The following MAP2K1 variants were observed in gnomAD, a reference collection of about 807,000 sequenced individuals.
The protein encoded by MAP2K1 is mitogen-activated protein kinase kinase 1.
Under a neutral mutation model 46.3 loss-of-function variants are expected in MAP2K1, and 16 were observed. That is an observed-to-expected ratio of 0.35 (90% CI 0.23 to 0.52). The LOEUF (loss-of-function observed/expected upper bound fraction) is 0.52, where lower values mean the gene tolerates loss of function less well. Ranked by LOEUF, MAP2K1 falls within the 20% of genes least tolerant of loss-of-function variation. MAP2K1 has a pLI of 0.94. For synonymous variants in MAP2K1, 183 were observed against 185.6 expected (o/e 0.99, Z 0.11); for missense variants, 263 against 497.1 (o/e 0.53, Z 4.48).
intron 5 of MAP2K1, chr15:66,446,729 G>A (rs544596141): frequency 1.2e-4 from 42 of 341,004 alleles, no homozygotes; most frequent in African/African-American, 6.9e-4. Context: ...CATTGGTTCC[G>A]GATACCCTGC....
rs114302916 is a variant in MAP2K1 at position 66,462,896 on chromosome 15, G to A, written c.568+18189G>A. On this transcript the variant is annotated intron_variant, in intron 5 of 10. Coordinates refer to ENST00000307102, the MANE Select transcript of MAP2K1 (RefSeq NM_002755.4). ...TGTAGTCAGTGCTCGGGAAGGGATGGGACAAGACAGGGACCAGAAAGCCAC... is the reference window on the plus strand; with the variant it reads ...TGTAGTCAGTGCTCGGGAAGGGATGAGACAAGACAGGGACCAGAAAGCCAC... Among the ~76,000 whole-genome samples the A allele has an allele frequency of 6.1e-3, 924 of 152,296 alleles. 13 individuals are homozygous for A. Among genetic ancestry groups the A allele is most frequent in the African/African-American group, 0.021 (853 of 41,540 alleles).
chr15:66,453,023 G>A (rs1892077240), intron 5 of MAP2K1, among the ~76,000 whole-genome samples: 1 of 152,188 alleles, frequency 6.6e-6, no homozygotes, highest in Admixed American at 6.5e-5. Flanking sequence ...ACTTGTGCCA[G>A]AACACACAGG....
chr15:66,446,701 G>T, intron 5 of MAP2K1: 2 of 378,446 alleles, frequency 5.3e-6, no homozygotes, highest in Admixed American at 2.5e-5. Context: ...TTCAATTTTA[G>T]GAAGAACTGC....
intron 5 of MAP2K1, among the ~76,000 whole-genome samples, chr15:66,459,987 A>G (rs1196112644): frequency 6.6e-6 from 1 of 152,214 alleles, no homozygotes; most frequent in Non-Finnish European, 1.5e-5. Flanking sequence ...TGTTCTGAGC[A>G]TGGTTCCTAT....
In MAP2K1 at chr15:66,402,709, T is replaced by C. The variant is rs1383020222; in HGVS notation, c.80+15282T>C. On this transcript the variant is annotated intron_variant, in intron 1 of 10. Transcript: ENST00000307102. ...TCCATCTCGACTATGGTTTGTTTTG[T>C]ATGAACTGGTTATATCCAGCAGCTT... Among the ~76,000 whole-genome samples, 3 of 152,234 alleles carry C rather than the reference T, an allele frequency of 2.0e-5. No homozygotes were observed. The East Asian group carries it at 5.8e-4, about 29-fold the overall frequency.
At chr15:66,484,443 C>G (rs1474253384) in intron 6 of MAP2K1, among the ~76,000 whole-genome samples, 1 of 152,152 alleles carries the variant, frequency 6.6e-6, no homozygotes, top group African/African-American at 2.4e-5. Flanking sequence ...CCACTGCGTC[C>G]CGGCCCAGCA....
chr15:66,424,791 C>CTTTTTTTTTT (rs58738231), intron 1 of MAP2K1, among the ~76,000 whole-genome samples: 1 of 82,158 alleles, frequency 1.2e-5, no homozygotes, highest in African/African-American at 4.7e-5. Flanking sequence ...CAATCTCAAT[C>CTTTTTTTTTT]TTTTTTTTTT....
At chr15:66,411,022 T>C (rs953736269) in intron 1 of MAP2K1, among the ~76,000 whole-genome samples, 1 of 152,168 alleles carries the variant, frequency 6.6e-6, no homozygotes, top group Non-Finnish European at 1.5e-5. Flanking sequence ...AGAAGCTTTG[T>C]TCAGTTGAGT....
At chr15:66,467,166 G>A (rs371782550) in intron 5 of MAP2K1, among the ~76,000 whole-genome samples, 8 of 152,052 alleles carry the variant, frequency 5.3e-5, no homozygotes, top group Admixed American at 2.6e-4. Context: ...CCCAGGAGGC[G>A]GAGGCTGCAG....
chr15:66,387,267 C>G lies in MAP2K1; in HGVS notation c.-81C>G, dbSNP rs909365334. ...GCGGCCCGGACTTGGTCCTGCGCAG[C>G]GGGCGCGGGGCAGCGCAGCGGGAGG... On this transcript the variant is annotated 5_prime_UTR_variant, in exon 1 of 11. Transcript: ENST00000307102. The G allele has an allele frequency of 7.8e-7, 1 of 1,275,778 alleles. No homozygotes were observed. Among genetic ancestry groups the G allele is most frequent in the East Asian group, 2.5e-5 (1 of 39,236 alleles). 79.0% of individuals were successfully genotyped at this position (1,275,778 alleles called of 1,614,324 possible).
In MAP2K1 at chr15:66,420,783, A is replaced by G. The variant is rs778561590; in HGVS notation, c.81-14244A>G. Among the ~76,000 whole-genome samples, 53 of 54,612 alleles carry G rather than the reference A, an allele frequency of 9.7e-4. 4 individuals are homozygous for G. The East Asian group carries it at 0.038, about 39-fold the overall frequency. The allele number at this position is 54,612 out of a possible 152,430, so 35.8% of individuals were successfully genotyped here. On this transcript the variant is annotated intron_variant, in intron 1 of 10. Transcript: ENST00000307102. ...TGTATGTGTGTATATATATGTGTATATATATGTGTGTATATATATGTGTAT... is the reference window on the plus strand; with the variant it reads ...TGTATGTGTGTATATATATGTGTATGTATATGTGTGTATATATATGTGTAT...
chr15:66,453,487 A>G lies in MAP2K1; in HGVS notation c.568+8780A>G, dbSNP rs1181284243. The G allele has an allele frequency of 4.3e-6, 3 of 702,168 alleles. No individual in the cohort carries two copies. The East Asian group carries it at 8.0e-5, about 19-fold the overall frequency. 43.5% of individuals were successfully genotyped at this position (702,168 alleles called of 1,614,324 possible). ...CAGAAGCCCTGGAAGAATGAACTGT[A>G]AGGCCTGGACTATGGAATGGTACCT... On this transcript the variant is annotated intron_variant, in intron 5 of 10. Coordinates refer to ENST00000307102, the MANE Select transcript of MAP2K1 (RefSeq NM_002755.4).
chr15:66,442,480 T>G (rs980063916), intron 3 of MAP2K1, among the ~76,000 whole-genome samples: 2 of 152,178 alleles, frequency 1.3e-5, no homozygotes, highest in East Asian at 3.8e-4. Flanking sequence ...AAATGCCATC[T>G]TTTAAGTGAA....
chr15:66,478,422 G>GTA lies in MAP2K1; in HGVS notation c.569-3322_569-3321dup, dbSNP rs201872215. Among the ~76,000 whole-genome samples the GTA allele has an allele frequency of 1.1e-3, 136 of 119,232 alleles. 1 individual carries two copies. The highest frequency in any genetic ancestry group is 2.1e-3 in the Non-Finnish European group (110 of 53,346). The allele number at this position is 119,232 out of a possible 152,430, so 78.2% of individuals were successfully genotyped here. ...TGTGTATATATATATATACACACAG[G>GTA]TATATATATATACACACAGGTATAT... On this transcript the variant is annotated intron_variant, in intron 5 of 10. Transcript: ENST00000307102.
chr15:66,420,841 G>GTGTATATATATATGTGTATATATATA (rs1567003198), intron 1 of MAP2K1, among the ~76,000 whole-genome samples: 4 of 62,100 alleles, frequency 6.4e-5, no homozygotes, highest in African/African-American at 1.7e-4. Flanking sequence ...GTATATATAT[G>GTGTATATATATATGTGTATATATATA]TGTGTATATA....
chr15:66,433,982 T>C (rs1216566070), intron 1 of MAP2K1, among the ~76,000 whole-genome samples: 1 of 152,338 alleles, frequency 6.6e-6, no homozygotes, highest in East Asian at 1.9e-4. Context: ...CTCTCTGCCA[T>C]ACCCACTCGC....
intron 1 of MAP2K1, among the ~76,000 whole-genome samples, chr15:66,420,959 A>G (rs2093440408): frequency 5.2e-5 from 1 of 19,162 alleles, no homozygotes; most frequent in African/African-American, 6.7e-5. Context: ...ATACACATAC[A>G]TATATACACA....
At chr15:66,391,369 A>G (rs1297546885) in intron 1 of MAP2K1, among the ~76,000 whole-genome samples, 1 of 152,188 alleles carries the variant, frequency 6.6e-6, no homozygotes, top group Non-Finnish European at 1.5e-5. Flanking sequence ...GCTCACTGCA[A>G]GCTCCGCCTC....
intron 1 of MAP2K1, chr15:66,415,204 G>T: frequency 2.0e-6 from 1 of 499,848 alleles, no homozygotes; most frequent in South Asian, 1.5e-5. Context: ...TGCCATCTTG[G>T]AGTCCTGGTG....
Sources: allele counts gnomAD v4.1 joint callset (sites outside exome capture counted in the v4.1 genomes callset), GRCh38; gene constraint gnomAD v4.1.1; transcripts MANE v1.5; gene names NCBI Gene and HGNC (gene_info 2026-07-23, HGNC 2026-07-21).